PCDHGB3: variants seen among roughly 807,000 people sequenced by gnomAD.
PCDHGB3 encodes protocadherin gamma-B3.
A neutral mutation model predicts 59.2 loss-of-function variants in PCDHGB3; 40 were observed. The ratio of observed to expected loss-of-function variants is 0.68; its 90% CI spans 0.52 to 0.88. PCDHGB3 has a LOEUF of 0.88. Among genes scored for constraint, PCDHGB3 ranks in the 40% least tolerant of loss-of-function variants. The probability of loss-of-function intolerance (pLI) is 0.00; values close to 1 mark genes in which losing one functional copy is unlikely to be tolerated. For missense variants in PCDHGB3, 1,309 were observed against 1,187.9 expected, an observed-to-expected ratio of 1.10 and a Z score of -1.50; for synonymous variants, 581 against 503.6, an observed-to-expected ratio of 1.15 and a Z score of -2.06.
At chr5:141,374,621 G>A (rs1261974648) in intron 1 of PCDHGB3, 1 of 1,613,482 alleles carries the variant, frequency 6.2e-7, no homozygotes, top group Non-Finnish European at 8.5e-7. Flanking sequence ...TCACTTCTCA[G>A]TGGACGTGCA....
intron 1 of PCDHGB3, chr5:141,419,944 C>T (rs1375807568): frequency 6.2e-7 from 1 of 1,614,066 alleles, no homozygotes; most frequent in South Asian, 1.1e-5. Flanking sequence ...TGGTGGTGGC[C>T]TTGGCCTTGA....
At position 141,489,871 on chromosome 5, in the gene PCDHGB3, G is replaced by C; in HGVS notation, c.2416-4936G>C. ...TGAAGCCCAGGCAAGACATCAGCTGGTGCTTACTGCTGTGGATGGGGGGAC... is the reference window on the plus strand; with the variant it reads ...TGAAGCCCAGGCAAGACATCAGCTGCTGCTTACTGCTGTGGATGGGGGGAC... On this transcript the variant is annotated intron_variant, in intron 1 of 3. Coordinates refer to ENST00000576222, the MANE Select transcript of PCDHGB3 (RefSeq NM_018924.5). The surrounding 1 kb of genome is among the most constrained non-coding windows in gnomAD (Gnocchi z 4.5). 1 of 1,614,206 alleles carries C rather than the reference G, an allele frequency of 6.2e-7. No individual in the cohort carries two copies.
Position 141,490,958 on chromosome 5 carries a change from A to T in PCDHGB3, c.2416-3849A>T, listed in dbSNP as rs771797392. 4.6e-5 allele frequency: 74 copies of T among 1,613,610 alleles called. No individual in the cohort carries two copies. The highest frequency in any genetic ancestry group is 1.6e-4 in the Middle Eastern group (1 of 6,084). ...CTGCACCCACGGCCAGACTGGGAAC[A>T]CTCAGCCCCCCAGCGTCTCCCTCGC... On this transcript the variant is annotated intron_variant, in intron 1 of 3. Coordinates refer to ENST00000576222, the MANE Select transcript of PCDHGB3 (RefSeq NM_018924.5). This position sits in a 1 kb window ranked among gnomAD's most constrained non-coding sequence, Gnocchi z 5.4.
In PCDHGB3 at chr5:141,385,322, A is replaced by C. The variant is rs1781120693; in HGVS notation, c.2415+12513A>C. On this transcript the variant is annotated intron_variant, in intron 1 of 3. Coordinates refer to ENST00000576222, the MANE Select transcript of PCDHGB3 (RefSeq NM_018924.5). ...TGTAAAGAAAACCTGCCAAGTATTC[A>C]GGTGAGCCCAGCCCTTCCTTTATTT... is the stretch of plus-strand genomic sequence containing the variant. The C allele has an allele frequency of 1.9e-6, 3 of 1,606,974 alleles. No homozygotes were observed. In the East Asian group the frequency reaches 6.7e-5, roughly 36 times the overall value.
intron 1 of PCDHGB3, among the ~76,000 whole-genome samples, chr5:141,449,205 A>G (rs991001366): frequency 6.6e-6 from 1 of 152,164 alleles, no homozygotes; most frequent in Admixed American, 6.5e-5. Context: ...GTTAATTCTA[A>G]CTTTCTGTTT....
chr5:141,389,766 C>T (rs1217222336), intron 1 of PCDHGB3: 2 of 1,613,060 alleles, frequency 1.2e-6, no homozygotes, highest in East Asian at 4.5e-5. Context: ...GCGCACAGCG[C>T]GTGCCTTAGG....
rs200064261 is a variant in PCDHGB3, at chr5:141,487,515, G to A, written c.2416-7292G>A. 3.7e-5 allele frequency: 59 copies of A among 1,614,018 alleles called. No homozygotes were observed. The highest frequency in any genetic ancestry group is 8.8e-5 in the South Asian group (8 of 91,086). On this transcript the variant is annotated intron_variant, in intron 1 of 3. Coordinates refer to ENST00000576222, the MANE Select transcript of PCDHGB3 (RefSeq NM_018924.5). The surrounding 1 kb of genome is among the most constrained non-coding windows in gnomAD (Gnocchi z 5.0). Reference sequence around the variant, plus strand: ...ACACCCTTGGCTTCTGCACCCACTCGGAGTGATAGCTTCATGATGGTGAAG... The same window carrying A: ...ACACCCTTGGCTTCTGCACCCACTCAGAGTGATAGCTTCATGATGGTGAAG...
At chr5:141,428,552 T>TC in intron 1 of PCDHGB3, 2 of 244,422 alleles carry the variant, frequency 8.2e-6, no homozygotes, top group African/African-American at 2.2e-5. Context: ...CCAGAAACAG[T>TC]CCCCCCACAA....
chr5:141,370,601 T>C lies in PCDHGB3; in HGVS notation c.207T>C (p.Ile69=). 1 of 1,614,004 alleles carries C rather than the reference T, an allele frequency of 6.2e-7. No homozygotes were observed. The change falls in exon 1 of 4, where the codon ATT becomes ATC. Residue 69 remains isoleucine (I), a synonymous_variant. Coordinates refer to ENST00000576222, the MANE Select transcript of PCDHGB3 (RefSeq NM_018924.5). ...TACCTACTAGGAACCTGCGGGTTATTGCAGAGAAGAAATTCTTTACCGTGA... is the reference window on the plus strand; with the variant it reads ...TACCTACTAGGAACCTGCGGGTTATCGCAGAGAAGAAATTCTTTACCGTGA... ...GDLPTRNLRV[I]AEKKFFTVSP... is the part of the protein sequence containing the mutation.
At chr5:141,420,291 G>A in intron 1 of PCDHGB3, 1 of 1,494,346 alleles carries the variant, frequency 6.7e-7, no homozygotes, top group Non-Finnish European at 9.0e-7. Context: ...ATTTAAAAAT[G>A]TATTTAATCC....
At chr5:141,409,148 A>C (rs2154541051) in intron 1 of PCDHGB3, 1 of 1,614,056 alleles carries the variant, frequency 6.2e-7, no homozygotes. Context: ...AGAAAGGTAC[A>C]CCATGGAAGT....
intron 1 of PCDHGB3, among the ~76,000 whole-genome samples, chr5:141,448,573 AT>A (rs976781630): frequency 1.3e-5 from 2 of 151,652 alleles, no homozygotes; most frequent in East Asian, 1.9e-4. Flanking sequence ...TTATTTCCCC[AT>A]TTTTTTTACA....
chr5:141,384,410 A>T, intron 1 of PCDHGB3: 3 of 1,613,844 alleles, frequency 1.9e-6, no homozygotes, highest in Non-Finnish European at 2.5e-6. Flanking sequence ...GTGTCCTCCT[A>T]TGTCTCCATA....
chr5:141,507,861 C>G (rs538942097), intron 3 of PCDHGB3, among the ~76,000 whole-genome samples: 6 of 152,306 alleles, frequency 3.9e-5, no homozygotes, highest in South Asian at 4.1e-4. Flanking sequence ...CTTTCACACC[C>G]GCTTCCTAGC....
At chr5:141,376,345 C>G (rs747833428) in intron 1 of PCDHGB3, 1 of 1,614,084 alleles carries the variant, frequency 6.2e-7, no homozygotes, top group African/African-American at 1.3e-5. Context: ...AGACCTATTC[C>G]CACGAGGTCT....
rs2099634686 is a variant in PCDHGB3 at position 141,486,772 on chromosome 5, T to G, written c.2416-8035T>G. 1 of 1,614,246 alleles carries G rather than the reference T, an allele frequency of 6.2e-7. No individual in the cohort carries two copies. The highest frequency in any genetic ancestry group is 8.5e-7 in the Non-Finnish European group (1 of 1,180,042). Reference sequence around the variant, plus strand: ...ATGAGCAAACCCAGACACTGCAGTTTGAGGTGCAGGCCCGGGATCGGGGCA... The same window carrying G: ...ATGAGCAAACCCAGACACTGCAGTTGGAGGTGCAGGCCCGGGATCGGGGCA... On this transcript the variant is annotated intron_variant, in intron 1 of 3. Coordinates refer to ENST00000576222, the MANE Select transcript of PCDHGB3 (RefSeq NM_018924.5). This position sits in a 1 kb window ranked among gnomAD's most constrained non-coding sequence, Gnocchi z 5.0.
intron 1 of PCDHGB3, chr5:141,374,825 C>T: frequency 1.2e-6 from 2 of 1,613,896 alleles, no homozygotes; most frequent in Non-Finnish European, 1.7e-6. Context: ...GCCTGTCTAC[C>T]GTGTAAGTGT....
intron 1 of PCDHGB3, among the ~76,000 whole-genome samples, chr5:141,449,868 T>C (rs902371897): frequency 1.3e-5 from 2 of 151,910 alleles, no homozygotes; most frequent in African/African-American, 4.8e-5. Flanking sequence ...AATCAGAAAA[T>C]TTAACATCAA....
chr5:141,410,251 C>T, intron 1 of PCDHGB3: 1 of 1,614,016 alleles, frequency 6.2e-7, no homozygotes, highest in Non-Finnish European at 8.5e-7. Flanking sequence ...TACTCTCTGA[C>T]CCCCAGGCTG....
Sources: gnomAD v4.1 joint callset for allele counts (sites outside exome capture counted in the v4.1 genomes callset) on GRCh38, gnomAD v4.1.1 for gene constraint, Gnocchi (gnomAD v3.1) non-coding constraint, MANE v1.5 for transcripts, NCBI Gene and HGNC (gene_info 2026-07-23, HGNC 2026-07-21) for gene names.